Variants in ZNF710 observed in about 807,000 individuals in gnomAD.
ZNF710 encodes the protein zinc finger protein 710.
Under a neutral mutation model 50.6 loss-of-function variants are expected in ZNF710, and 13 were observed. The ratio of observed to expected loss-of-function variants is 0.26; its 90% CI spans 0.17 to 0.41. ZNF710 has a LOEUF of 0.41. Among genes scored for constraint, ZNF710 ranks in the 10% least tolerant of loss-of-function variants. The probability of loss-of-function intolerance (pLI) is 1.00; values close to 1 mark genes in which losing one functional copy is unlikely to be tolerated. For missense variants in ZNF710, 721 were observed against 936.6 expected (o/e 0.77, Z 3.01); for synonymous variants, 383 against 397.0 (o/e 0.96, Z 0.42).
Position 90,061,943 on chromosome 15 carries a change from G to A in ZNF710, c.-28-5167G>A, listed in dbSNP as rs566476195. The stretch of plus-strand genomic sequence containing the variant: ...AGAGATTCCAGAGCTCTGAGGAGAC[G>A]GCGTCCCTGCTTGGGTGGGGAAGGT... On this transcript the variant is annotated intron_variant, in intron 1 of 4. Transcript: ENST00000268154. Among the ~76,000 whole-genome samples the A allele has an allele frequency of 1.6e-3, 242 of 152,194 alleles. 2 individuals are homozygous for A. Among genetic ancestry groups the A allele is most frequent in the East Asian group, 0.012 (61 of 5,164 alleles).
intron 2 of ZNF710, among the ~76,000 whole-genome samples, chr15:90,072,289 A>G (rs568741583): frequency 3.4e-4 from 52 of 152,278 alleles, no homozygotes; most frequent in African/African-American, 1.2e-3. Context: ...TCCATCAATG[A>G]TAAGAATCAT....
At chr15:90,033,925 G>A (rs560280763) in intron 1 of ZNF710, among the ~76,000 whole-genome samples, 1 of 152,330 alleles carries the variant, frequency 6.6e-6, no homozygotes, top group African/African-American at 2.4e-5. Flanking sequence ...GGAATGGCTG[G>A]ATGCGGTGGC....
At chr15:90,023,203 A>G (rs950785199) in intron 1 of ZNF710, among the ~76,000 whole-genome samples, 1 of 152,202 alleles carries the variant, frequency 6.6e-6, no homozygotes. Context: ...CTCACACTCC[A>G]TCCATTGAAC....
rs2151543613 is a variant in ZNF710 at position 90,080,540 on chromosome 15, G to GCCT, written c.*713_*715dup. 1 of 152,808 alleles carries GCCT rather than the reference G, an allele frequency of 6.5e-6. No individual in the cohort carries two copies. The highest frequency in any genetic ancestry group is 1.9e-4 in the East Asian group (1 of 5,174). The allele number at this position is 152,808 out of a possible 1,614,324, so 9.5% of individuals were successfully genotyped here. On this transcript the variant is annotated 3_prime_UTR_variant, in exon 5 of 5. Coordinates refer to ENST00000268154, the MANE Select transcript of ZNF710 (RefSeq NM_198526.4). The stretch of plus-strand genomic sequence containing the variant: ...CGTCCACTTCGACCCTAGCTGGAGT[G>GCCT]CCTCACCAGGGGGCCCCACTAGGAA...
intron 1 of ZNF710, among the ~76,000 whole-genome samples, chr15:90,026,268 AC>A (rs772550423): frequency 0.011 from 1,533 of 137,688 alleles, 19 homozygotes; most frequent in Middle Eastern, 0.03. Context: ...AACAACAACA[AC>A]AAAAAAAAAA....
rs375933177 is a variant in ZNF710, at chr15:90,026,439, C to T, written c.-29+24825C>T. ...TTGAGAAAAAATTTTCAATCCTTAT[C>T]GAAGCATTGCCCCTCTACCCACCAA... On this transcript the variant is annotated intron_variant, in intron 1 of 4. Transcript: ENST00000268154. 2.6e-5 allele frequency among the ~76,000 whole-genome samples: 4 copies of T among 152,056 alleles called. No homozygotes were observed. The East Asian group carries it at 7.7e-4, about 29-fold the overall frequency.
chr15:90,073,770 T>C (rs1026501928), intron 3 of ZNF710, among the ~76,000 whole-genome samples: 4 of 151,738 alleles, frequency 2.6e-5, no homozygotes, highest in African/African-American at 7.3e-5. Context: ...GGGTGGATCA[T>C]TTGAGGTAAG....
intron 1 of ZNF710, among the ~76,000 whole-genome samples, chr15:90,050,073 C>A (rs917121399): frequency 6.6e-6 from 1 of 152,250 alleles, no homozygotes; most frequent in Non-Finnish European, 1.5e-5. Context: ...CTGATGTCTG[C>A]GTGTGTACGC....
At chr15:90,052,100 C>T (rs976621815) in intron 1 of ZNF710, among the ~76,000 whole-genome samples, 12 of 152,116 alleles carry the variant, frequency 7.9e-5, no homozygotes, top group African/African-American at 2.9e-4. Context: ...CCAGGAGGTG[C>T]TGAGCCAGCC....
At chr15:90,011,173 A>C (rs964723388) in intron 1 of ZNF710, among the ~76,000 whole-genome samples, 1 of 150,500 alleles carries the variant, frequency 6.6e-6, no homozygotes. Context: ...CACGTGATCC[A>C]CCCATCTCGG....
At chr15:90,031,660 C>G (rs572882682) in intron 1 of ZNF710, among the ~76,000 whole-genome samples, 11 of 152,288 alleles carry the variant, frequency 7.2e-5, no homozygotes, top group Non-Finnish European at 1.5e-4. Flanking sequence ...CTGGTCATAG[C>G]CCATCTCTCT....
In ZNF710 at chr15:90,067,428, G is replaced by A; in HGVS notation, c.291G>A (p.Arg97=). 1 of 1,605,632 alleles carries A rather than the reference G, an allele frequency of 6.2e-7. No individual in the cohort carries two copies. The highest frequency in any genetic ancestry group is 8.5e-7 in the Non-Finnish European group (1 of 1,175,828). The change falls in exon 2 of 5, where the codon CGG becomes CGA. Residue 97 remains arginine (R), a synonymous_variant. Coordinates refer to ENST00000268154, the MANE Select transcript of ZNF710 (RefSeq NM_198526.4). This position sits in a 1 kb window ranked among gnomAD's most constrained non-coding sequence, Gnocchi z 8.1. ...VEAACEKHTR[R]KTRPPVRLVP... Reference sequence around the variant, plus strand: ...CAGCCTGTGAGAAGCACACCCGGCGGAAGACGCGGCCACCTGTGCGGTTGG... The same window carrying A: ...CAGCCTGTGAGAAGCACACCCGGCGAAAGACGCGGCCACCTGTGCGGTTGG...
At chr15:90,005,670 G>C (rs1022063258) in intron 1 of ZNF710, among the ~76,000 whole-genome samples, 19 of 152,258 alleles carry the variant, frequency 1.2e-4, no homozygotes, top group African/African-American at 4.6e-4. Context: ...GGATGGTCTC[G>C]ATCTCTTCAC....
Position 90,079,746 on chromosome 15 carries a change from T to C in ZNF710, c.1912T>C (p.Tyr638His). The change falls in exon 5 of 5, where the codon TAT becomes CAT. Residue 638 changes from tyrosine (Y) to histidine (H), a missense_variant. Transcript: ENST00000268154. The part of the protein sequence containing the change: ...MEDFEENAYS[Y>H]ASVDSSAEAS... Reference sequence around the variant, plus strand: ...GGACTTCGAGGAGAACGCCTACAGCTATGCGAGCGTGGACAGCAGCGCCGA... The same window carrying C: ...GGACTTCGAGGAGAACGCCTACAGCCATGCGAGCGTGGACAGCAGCGCCGA... The C allele has an allele frequency of 1.2e-6, 2 of 1,613,580 alleles. No homozygotes were observed. The highest frequency in any genetic ancestry group is 1.7e-6 in the Non-Finnish European group (2 of 1,179,830).
At chr15:90,042,752 C>T (rs1001808301) in intron 1 of ZNF710, among the ~76,000 whole-genome samples, 1 of 152,210 alleles carries the variant, frequency 6.6e-6, no homozygotes, top group Non-Finnish European at 1.5e-5. Flanking sequence ...AGACTGAGGG[C>T]TGTGTGTGGG....
Position 90,067,173 on chromosome 15 carries a change from C to G in ZNF710, c.36C>G (p.Asp12Glu), listed in dbSNP as rs755904770. Residue 12 changes from aspartate to glutamate, a missense_variant, in exon 2 of 5, where the codon GAC becomes GAG. Asp to Glu is a conservative substitution (Grantham distance 45, BLOSUM62 2). Transcript: ENST00000268154. The surrounding 1 kb of genome is among the most constrained non-coding windows in gnomAD (Gnocchi z 8.1). ...TCATGGACTCAGGGACACAGACGGA[C>G]GCCGTGGTGGTGCTGTCCTTGGCTC... is the stretch of plus-strand genomic sequence containing the variant. ...EGFMDSGTQTDAVVVLSLAQA... is the reference protein window; with the variant it reads ...EGFMDSGTQTEAVVVLSLAQA... The G allele has an allele frequency of 1.9e-6, 3 of 1,610,464 alleles. No individual in the cohort carries two copies. Among genetic ancestry groups the G allele is most frequent in the East Asian group, 2.2e-5 (1 of 44,806 alleles).
chr15:90,074,334 C>T (rs1436045988), intron 4 of ZNF710, 44 bp downstream of exon 4: 3 of 1,605,512 alleles, frequency 1.9e-6, no homozygotes, highest in East Asian at 2.2e-5. Flanking sequence ...ATGATACCAA[C>T]ATGACGCACT....
At chr15:90,070,986 G>A (rs1900359786) in intron 2 of ZNF710, among the ~76,000 whole-genome samples, 1 of 152,232 alleles carries the variant, frequency 6.6e-6, no homozygotes, top group Non-Finnish European at 1.5e-5. Context: ...TCCAGGGCCT[G>A]GCACAGTGGC....
chr15:90,068,108 C>T lies in ZNF710; in HGVS notation c.971C>T (p.Ser324Leu), dbSNP rs1254618206. 3 of 1,614,252 alleles carry T rather than the reference C, an allele frequency of 1.9e-6. No individual in the cohort carries two copies. The highest frequency in any genetic ancestry group is 1.1e-5 in the South Asian group (1 of 91,086). Residue 324 changes from serine (S) to leucine (L), a missense_variant, in exon 2 of 5, where the codon TCG (serine) becomes TTG (leucine). Ser to Leu is a moderately radical substitution (Grantham distance 145). Around this residue, in one of 3 missense-constraint regions of ZNF710, gnomAD observed 326 missense variants for 522.0 expected, o/e 0.62. Coordinates refer to ENST00000268154, the MANE Select transcript of ZNF710 (RefSeq NM_198526.4). This position sits in a 1 kb window ranked among gnomAD's most constrained non-coding sequence, Gnocchi z 5.0. ...ILGHNGIKPH[S>L]CPHCSKLFKQ... Reference sequence around the variant, plus strand: ...GGCCACAACGGCATCAAGCCACACTCGTGCCCACACTGCAGCAAGCTCTTC... The same window carrying T: ...GGCCACAACGGCATCAAGCCACACTTGTGCCCACACTGCAGCAAGCTCTTC...
Sources: gnomAD v4.1 joint callset for allele counts (sites outside exome capture counted in the v4.1 genomes callset) on GRCh38, gnomAD v4.1.1 for gene constraint, gnomAD v4.1.1 regional missense constraint, Gnocchi (gnomAD v3.1) non-coding constraint, MANE v1.5 for transcripts, NCBI Gene and HGNC (gene_info 2026-07-23, HGNC 2026-07-21) for gene names.